Variants in OPCML observed in about 807,000 individuals in gnomAD.
OPCML encodes the protein opioid-binding protein/cell adhesion molecule.
OPCML carries 13 observed loss-of-function variants against 37.8 expected under a neutral mutation model. The observed-to-expected ratio is 0.34, with a 90% CI of 0.22 to 0.55. OPCML has a LOEUF of 0.55. Ranked by LOEUF, OPCML falls within the 20% of genes least tolerant of loss-of-function variation. The pLI is 0.91. For synonymous variants in OPCML, 176 were observed against 168.8 expected (o/e 1.04, Z -0.33); for missense variants, 341 against 435.6 (o/e 0.78, Z 1.93).
intron 1 of OPCML, among the ~76,000 whole-genome samples, chr11:133,403,055 C>T (rs1235684314): frequency 6.6e-6 from 1 of 152,122 alleles, no homozygotes; most frequent in Non-Finnish European, 1.5e-5. Context: ...ACACTCTAGG[C>T]TCTATGAGGA....
chr11:133,482,047 C>T (rs1022092602), intron 1 of OPCML, among the ~76,000 whole-genome samples: 4 of 152,150 alleles, frequency 2.6e-5, no homozygotes, highest in East Asian at 1.9e-4. Context: ...TTAGAGGAAT[C>T]GGAATCAGAG....
At chr11:132,954,429 A>C (rs777703910) in intron 1 of OPCML, among the ~76,000 whole-genome samples, 69 of 151,752 alleles carry the variant, frequency 4.5e-4, no homozygotes, top group South Asian at 1.9e-3. Flanking sequence ...TTTTAAGTGA[A>C]CTTTTTTAAA....
intron 1 of OPCML, among the ~76,000 whole-genome samples, chr11:133,080,142 C>T (rs1343246631): frequency 6.6e-6 from 1 of 152,202 alleles, no homozygotes; most frequent in African/African-American, 2.4e-5. Context: ...GGCCAATCCA[C>T]AAGAGCTACA....
chr11:133,413,211 C>G lies in OPCML; in HGVS notation c.61+119053G>C, dbSNP rs1945686420. 2.0e-5 allele frequency among the ~76,000 whole-genome samples: 3 copies of G among 152,022 alleles called. No homozygotes were observed. In the South Asian group the frequency reaches 6.2e-4, roughly 32 times the overall value. ...AGGGGCTCTGGAGACTTTGGAGAAG[C>G]CGGGAGACCGAGGGGTAGGAGTTGT... On this transcript the variant is annotated intron_variant, in intron 1 of 7. Transcript: ENST00000524381.
At chr11:133,529,308 G>A (rs548859211) in intron 1 of OPCML, among the ~76,000 whole-genome samples, 59 of 151,892 alleles carry the variant, frequency 3.9e-4, no homozygotes, top group South Asian at 6.3e-4. Flanking sequence ...AGCAGTATTC[G>A]CTTCCTGCTT....
intron 1 of OPCML, among the ~76,000 whole-genome samples, chr11:133,235,783 C>A (rs1048899997): frequency 2.6e-5 from 4 of 152,174 alleles, no homozygotes; most frequent in African/African-American, 9.7e-5. Context: ...TAACTCAGAG[C>A]TACAACAAAT....
intron 1 of OPCML, among the ~76,000 whole-genome samples, chr11:133,116,449 T>C (rs1949334487): frequency 6.6e-6 from 1 of 152,234 alleles, no homozygotes; most frequent in South Asian, 2.1e-4. Context: ...CTGTCAGGTA[T>C]CTTTAGCTTC....
chr11:133,381,982 G>A (rs752337873), intron 1 of OPCML, among the ~76,000 whole-genome samples: 7 of 152,218 alleles, frequency 4.6e-5, no homozygotes, highest in Admixed American at 2.0e-4. Flanking sequence ...CTCCTCCTGG[G>A]AGGGAGGCCG....
At chr11:133,292,753 G>A (rs1942515097) in intron 1 of OPCML, among the ~76,000 whole-genome samples, 1 of 152,120 alleles carries the variant, frequency 6.6e-6, no homozygotes, top group Non-Finnish European at 1.5e-5. Flanking sequence ...TGGACGCAAG[G>A]AAAAGTGACA....
chr11:133,469,920 C>G (rs1008238002), intron 1 of OPCML, among the ~76,000 whole-genome samples: 1 of 152,232 alleles, frequency 6.6e-6, no homozygotes, highest in South Asian at 2.1e-4. Context: ...ACTAAGTTCA[C>G]AATAATCTCT....
intron 1 of OPCML, among the ~76,000 whole-genome samples, chr11:132,958,200 G>A (rs969628300): frequency 1.3e-5 from 2 of 152,174 alleles, no homozygotes; most frequent in African/African-American, 4.8e-5. Context: ...CACAGAGAAG[G>A]TTTTGGTGGT....
intron 2 of OPCML, among the ~76,000 whole-genome samples, chr11:132,826,997 G>A (rs1334590987): frequency 6.6e-6 from 1 of 152,180 alleles, no homozygotes; most frequent in East Asian, 1.9e-4. Context: ...TACCCTATCA[G>A]CATCAGATCC....
chr11:133,354,385 T>A (rs981157342), intron 1 of OPCML, among the ~76,000 whole-genome samples: 16 of 150,884 alleles, frequency 1.1e-4, no homozygotes, highest in African/African-American at 3.9e-4. Context: ...AAAATACGAA[T>A]CAATGCATAC....
intron 1 of OPCML, among the ~76,000 whole-genome samples, chr11:133,141,426 C>CT (rs1255048290): frequency 2.0e-5 from 3 of 152,106 alleles, no homozygotes; most frequent in Non-Finnish European, 2.9e-5. Flanking sequence ...TAGTCTTCAT[C>CT]TTTTTTGGGT....
At chr11:132,807,227 A>G (rs1189356183) in intron 2 of OPCML, among the ~76,000 whole-genome samples, 1 of 152,176 alleles carries the variant, frequency 6.6e-6, no homozygotes, top group African/African-American at 2.4e-5. Context: ...TACGTCTCAA[A>G]CTTGGTTTTT....
At chr11:133,256,392 C>T (rs574637929) in intron 1 of OPCML, among the ~76,000 whole-genome samples, 4 of 152,288 alleles carry the variant, frequency 2.6e-5, no homozygotes, top group African/African-American at 9.6e-5. Flanking sequence ...GTAACTAATG[C>T]ACTTATATTA....
At chr11:132,981,820 A>G (rs558245990) in intron 1 of OPCML, among the ~76,000 whole-genome samples, 135 of 152,334 alleles carry the variant, frequency 8.9e-4, no homozygotes, top group Middle Eastern at 6.8e-3. Flanking sequence ...CAGAATGAAG[A>G]AACAAATGGA....
chr11:133,188,794 C>T lies in OPCML; in HGVS notation c.62-245784G>A, dbSNP rs75485666. On this transcript the variant is annotated intron_variant, in intron 1 of 7. Coordinates refer to ENST00000524381, the MANE Select transcript of OPCML (RefSeq NM_001012393.5). ...ATTATCCTTGCTAGTGAGGTTCTGT[C>T]GCATGTAGATCTCACGTAGCTAGTA... is the stretch of plus-strand genomic sequence containing the variant. Among the ~76,000 whole-genome samples the T allele has an allele frequency of 8.5e-3, 1,293 of 152,240 alleles. 14 individuals carry two copies. Among genetic ancestry groups the T allele is most frequent in the African/African-American group, 0.03 (1,242 of 41,526 alleles).
rs1414095166 is a variant in OPCML at position 132,584,135 on chromosome 11, T to C, written c.380-54949A>G. ...GGGCCATTTAAAAAATTACGGGAAT[T>C]TGTGGCTAAAGAACAAAATGAGGAG... On this transcript the variant is annotated intron_variant, in intron 3 of 7. Transcript: ENST00000524381. 5.3e-5 allele frequency among the ~76,000 whole-genome samples: 8 copies of C among 152,076 alleles called. No homozygotes were observed. In the East Asian group the frequency reaches 1.5e-3, roughly 29 times the overall value.
Sources: allele counts gnomAD v4.1 joint callset (sites outside exome capture counted in the v4.1 genomes callset), GRCh38; gene constraint gnomAD v4.1.1; transcripts MANE v1.5; gene names NCBI Gene and HGNC (gene_info 2026-07-23, HGNC 2026-07-21).